The following HPSE2 variants were observed in gnomAD, a reference collection of about 807,000 sequenced individuals.
The protein encoded by HPSE2 is inactive heparanase-2.
In HPSE2, 38 loss-of-function variants were observed where a neutral mutation model predicts 60.5. The observed-to-expected ratio is 0.63, with a 90% CI of 0.48 to 0.82. HPSE2 has a LOEUF of 0.82. HPSE2 is among the 40% of genes least tolerant of loss of function. The probability of loss-of-function intolerance (pLI) is 0.00; values close to 1 mark genes in which losing one functional copy is unlikely to be tolerated. For missense variants in HPSE2, 713 were observed against 740.4 expected, an observed-to-expected ratio of 0.96 and a Z score of 0.43; for synonymous variants, 295 against 293.2, an observed-to-expected ratio of 1.01 and a Z score of -0.06.
At chr10:98,568,422 T>C (rs563674352) in intron 9 of HPSE2, among the ~76,000 whole-genome samples, 2 of 152,148 alleles carry the variant, frequency 1.3e-5, no homozygotes, top group Non-Finnish European at 2.9e-5. Context: ...GACTGGCACA[T>C]TTCAGGAGCC....
intron 3 of HPSE2, among the ~76,000 whole-genome samples, chr10:99,002,252 T>C (rs1956793521): frequency 6.6e-6 from 1 of 152,090 alleles, no homozygotes; most frequent in Admixed American, 6.6e-5. Flanking sequence ...GACAAATATC[T>C]CATGCAGAAT....
At chr10:98,586,591 T>C (rs1944947078) in intron 9 of HPSE2, among the ~76,000 whole-genome samples, 1 of 152,208 alleles carries the variant, frequency 6.6e-6, no homozygotes, top group Non-Finnish European at 1.5e-5. Context: ...AAAAAATACG[T>C]TGTTATATTC....
chr10:99,282,881 T>G, the HPSE2 span, among the ~76,000 whole-genome samples: 1 of 152,084 alleles, frequency 6.6e-6, no homozygotes, highest in Non-Finnish European at 1.5e-5. Context: ...TAGCTATAAA[T>G]GCCTACGTTA....
chr10:98,751,076 C>T (rs1394812002), intron 3 of HPSE2, among the ~76,000 whole-genome samples: 1 of 152,130 alleles, frequency 6.6e-6, no homozygotes, highest in African/African-American at 2.4e-5. Context: ...GTCTCACCTT[C>T]CTTGATTCCG....
chr10:98,842,768 G>C (rs955718379), intron 3 of HPSE2, among the ~76,000 whole-genome samples: 1 of 152,060 alleles, frequency 6.6e-6, no homozygotes, highest in East Asian at 1.9e-4. Context: ...TGTAAGTTTG[G>C]AAAACTGTAT....
intron 3 of HPSE2, among the ~76,000 whole-genome samples, chr10:98,802,633 C>T (rs1437601478): frequency 1.3e-5 from 2 of 151,872 alleles, no homozygotes; most frequent in Non-Finnish European, 2.9e-5. Context: ...ATCCATGTCC[C>T]TACAAAGGAC....
chr10:98,888,371 T>C (rs1351402896), intron 3 of HPSE2, among the ~76,000 whole-genome samples: 4 of 152,184 alleles, frequency 2.6e-5, no homozygotes, highest in African/African-American at 9.7e-5. Context: ...AAAGGATACA[T>C]ATTTTTACCT....
At chr10:98,511,213 C>T (rs1297666683) in intron 9 of HPSE2, among the ~76,000 whole-genome samples, 14 of 151,074 alleles carry the variant, frequency 9.3e-5, no homozygotes, top group African/African-American at 2.7e-4. Flanking sequence ...TGCAGTGGCA[C>T]GATCTTGGCT....
At chr10:99,045,571 C>A (rs975374104) in intron 3 of HPSE2, among the ~76,000 whole-genome samples, 2 of 151,788 alleles carry the variant, frequency 1.3e-5, no homozygotes, top group Non-Finnish European at 2.9e-5. Flanking sequence ...AAAAAATAAA[C>A]AAGATTAACA....
chr10:98,893,548 T>C (rs1452236897), intron 3 of HPSE2, among the ~76,000 whole-genome samples: 1 of 151,926 alleles, frequency 6.6e-6, no homozygotes, highest in Admixed American at 6.6e-5. Flanking sequence ...TAAAAGAAAA[T>C]GCCTGAACTC....
chr10:99,304,723 A>G, the HPSE2 span, among the ~76,000 whole-genome samples: 1 of 152,248 alleles, frequency 6.6e-6, no homozygotes, highest in Non-Finnish European at 1.5e-5. Flanking sequence ...TATTTGGGGT[A>G]TGTGCTCACT....
chr10:99,073,856 G>T (rs1280733407), intron 3 of HPSE2, among the ~76,000 whole-genome samples: 2 of 148,904 alleles, frequency 1.3e-5, no homozygotes, highest in Non-Finnish European at 3.0e-5. Flanking sequence ...ATAGTTCATT[G>T]TTAGTGTATG....
chr10:98,532,130 A>G (rs1943149011), intron 9 of HPSE2, among the ~76,000 whole-genome samples: 1 of 152,194 alleles, frequency 6.6e-6, no homozygotes, highest in South Asian at 2.1e-4. Flanking sequence ...TGCCTGTTTA[A>G]CATGACAGAC....
chr10:99,089,263 A>C (rs1288685707), intron 3 of HPSE2, among the ~76,000 whole-genome samples: 4 of 152,198 alleles, frequency 2.6e-5, no homozygotes, highest in African/African-American at 9.7e-5. Flanking sequence ...AATGTCTAGA[A>C]GGGTTTTTCC....
chr10:98,554,032 G>A (rs1189907341), intron 9 of HPSE2, among the ~76,000 whole-genome samples: 2 of 152,100 alleles, frequency 1.3e-5, no homozygotes, highest in Non-Finnish European at 2.9e-5. Context: ...TAAGTAAATG[G>A]GTTACAGGCA....
At chr10:98,759,909 T>C (rs939568835) in intron 3 of HPSE2, among the ~76,000 whole-genome samples, 1 of 152,130 alleles carries the variant, frequency 6.6e-6, no homozygotes, top group Non-Finnish European at 1.5e-5. Context: ...CAATATTATT[T>C]GAATTCATAA....
chr10:98,916,455 T>C (rs1191255366), intron 3 of HPSE2, among the ~76,000 whole-genome samples: 2 of 152,236 alleles, frequency 1.3e-5, no homozygotes, highest in Admixed American at 6.5e-5. Flanking sequence ...AACTGATATA[T>C]GACTCTCTTA....
At chr10:99,024,372 CG>C (rs1438418220) in intron 3 of HPSE2, among the ~76,000 whole-genome samples, 1 of 152,066 alleles carries the variant, frequency 6.6e-6, no homozygotes, top group Admixed American at 6.6e-5. Context: ...TTGCAACCCT[CG>C]GGGTATCCTC....
At chr10:99,001,885 G>T (rs1446367538) in intron 3 of HPSE2, among the ~76,000 whole-genome samples, 13 of 151,702 alleles carry the variant, frequency 8.6e-5, no homozygotes, top group African/African-American at 3.1e-4. Flanking sequence ...TTTTTTTTCT[G>T]TAACAGGTCA....
Sources: allele counts gnomAD v4.1 joint callset (sites outside exome capture counted in the v4.1 genomes callset), GRCh38; gene constraint gnomAD v4.1.1; transcripts MANE v1.5; gene names NCBI Gene and HGNC (gene_info 2026-07-23, HGNC 2026-07-21).